PPM1D: variants seen among roughly 807,000 people sequenced by gnomAD.
PPM1D encodes the protein protein phosphatase 1D.
A neutral mutation model predicts 58.3 loss-of-function variants in PPM1D; 52 were observed. The observed-to-expected ratio is 0.89, with a 90% CI of 0.71 to 1.12. The LOEUF (loss-of-function observed/expected upper bound fraction) is 1.12, where lower values mean the gene tolerates loss of function less well. Among genes scored for constraint, PPM1D ranks in the 50% most tolerant of loss-of-function variants. PPM1D has a pLI of 0.00. For missense variants in PPM1D, 564 were observed against 777.2 expected (o/e 0.73, Z 3.26); for synonymous variants, 278 against 285.1 (o/e 0.98, Z 0.25).
intron 3 of PPM1D, among the ~76,000 whole-genome samples, chr17:60,635,670 C>G (rs1413870827): frequency 6.6e-6 from 1 of 152,150 alleles, no homozygotes; most frequent in Non-Finnish European, 1.5e-5. Context: ...CATGGACTCT[C>G]TAGCCACTGA....
intron 1 of PPM1D, chr17:60,604,642 C>T (rs760918729): frequency 6.6e-6 from 1 of 151,882 alleles, no homozygotes; most frequent in African/African-American, 2.4e-5. Flanking sequence ...CGTGTAGTCT[C>T]TGCTACTCCA....
intron 1 of PPM1D, among the ~76,000 whole-genome samples, chr17:60,605,495 A>C (rs1341636300): frequency 2.6e-5 from 4 of 152,194 alleles, no homozygotes; most frequent in South Asian, 2.1e-4. Flanking sequence ...CTGCTCAACA[A>C]CTAGTTGAGT....
intron 2 of PPM1D, among the ~76,000 whole-genome samples, chr17:60,630,917 A>G (rs1365251081): frequency 6.6e-6 from 1 of 152,230 alleles, no homozygotes; most frequent in African/African-American, 2.4e-5. Context: ...ATTCTTGTGA[A>G]TGGCAAGTTT....
intron 5 of PPM1D, among the ~76,000 whole-genome samples, chr17:60,661,094 C>T (rs2031517709): frequency 6.6e-6 from 1 of 151,762 alleles, no homozygotes; most frequent in Non-Finnish European, 1.5e-5. Context: ...TGGCGCATGC[C>T]TGTAGTCCTA....
At chr17:60,634,094 A>G (rs763603604) in intron 3 of PPM1D, 117 bp downstream of exon 3, 62 of 1,193,454 alleles carry the variant, frequency 5.2e-5, no homozygotes, top group Non-Finnish European at 7.1e-5. Context: ...TAGAGATATC[A>G]TGATATTCTA....
At chr17:60,645,528 A>ATGTGTGTGTG in intron 3 of PPM1D, among the ~76,000 whole-genome samples, 1 of 135,966 alleles carries the variant, frequency 7.4e-6, no homozygotes, top group African/African-American at 2.9e-5. Context: ...ATATGTATAT[A>ATGTGTGTGTG]TATATGTGTA....
intron 5 of PPM1D, among the ~76,000 whole-genome samples, chr17:60,661,062 A>G (rs1182407881): frequency 6.6e-6 from 1 of 150,914 alleles, no homozygotes; most frequent in Non-Finnish European, 1.5e-5. Flanking sequence ...AAAAATACAA[A>G]AAAAAAATTA....
intron 1 of PPM1D, among the ~76,000 whole-genome samples, chr17:60,615,587 T>A (rs1382976501): frequency 6.6e-6 from 1 of 152,084 alleles, no homozygotes; most frequent in Non-Finnish European, 1.5e-5. Context: ...TTAGTGCAGT[T>A]TCAATCAGAA....
chr17:60,637,417 T>C (rs935606268), intron 3 of PPM1D, among the ~76,000 whole-genome samples: 1 of 152,150 alleles, frequency 6.6e-6, no homozygotes, highest in Non-Finnish European at 1.5e-5. Flanking sequence ...CTACTCAGTA[T>C]TTTTAACTGA....
At position 60,657,043 on chromosome 17, in the gene PPM1D, G is replaced by A. The variant is rs1331760142; in HGVS notation, c.1260+202G>A. 82 of 1,475,890 alleles carry A rather than the reference G, an allele frequency of 5.6e-5. No homozygotes were observed. In the East Asian group the frequency reaches 2.0e-3, roughly 35 times the overall value. The allele number at this position is 1,475,890 out of a possible 1,614,324, so 91.4% of individuals were successfully genotyped here. On this transcript the variant is annotated intron_variant, in intron 5 of 5. Transcript: ENST00000305921. ...CCATGTGTACAGCACTAATAAAAAG[G>A]TGATTGTGGGCCCTTAAGAATATTA...
At chr17:60,627,697 G>A (rs2030837939) in intron 2 of PPM1D, among the ~76,000 whole-genome samples, 1 of 152,156 alleles carries the variant, frequency 6.6e-6, no homozygotes, top group Non-Finnish European at 1.5e-5. Flanking sequence ...TGGGATTACA[G>A]GTGTGAGCCA....
intron 1 of PPM1D, among the ~76,000 whole-genome samples, chr17:60,601,856 C>G (rs999255816): frequency 1.3e-5 from 2 of 152,122 alleles, no homozygotes; most frequent in Non-Finnish European, 2.9e-5. Flanking sequence ...AATTGCTTAT[C>G]TATTGCAGTG....
chr17:60,617,888 C>T (rs961358358), intron 1 of PPM1D, among the ~76,000 whole-genome samples: 43 of 152,280 alleles, frequency 2.8e-4, no homozygotes, highest in African/African-American at 1.0e-3. Flanking sequence ...CTGCAGATAT[C>T]TGTATGTCCT....
At chr17:60,628,397 C>T (rs1009192444) in intron 2 of PPM1D, among the ~76,000 whole-genome samples, 3 of 152,162 alleles carry the variant, frequency 2.0e-5, no homozygotes, top group Non-Finnish European at 2.9e-5. Context: ...GGGTTCACTC[C>T]GGGTGTTATA....
chr17:60,652,413 T>A (rs2031361140), intron 4 of PPM1D, among the ~76,000 whole-genome samples: 1 of 152,174 alleles, frequency 6.6e-6, no homozygotes, highest in South Asian at 2.1e-4. Flanking sequence ...TGACGTAGGA[T>A]GATTCCATAT....
Position 60,600,392 on chromosome 17 carries a change from G to A in PPM1D, c.-23G>A. On this transcript the variant is annotated 5_prime_UTR_variant, in exon 1 of 6. Transcript: ENST00000305921. ...CGGATTCGGCGGGCTGCGTGGGACC[G>A]GCGGGATCCCGGCCAGCCGGCCATG... is the stretch of plus-strand genomic sequence containing the variant. 1.3e-6 allele frequency: 2 copies of A among 1,540,652 alleles called. No individual in the cohort carries two copies. The highest frequency in any genetic ancestry group is 1.7e-6 in the Non-Finnish European group (2 of 1,144,126).
intron 1 of PPM1D, among the ~76,000 whole-genome samples, chr17:60,621,504 C>T (rs1025497289): frequency 1.3e-5 from 2 of 152,064 alleles, no homozygotes; most frequent in African/African-American, 4.8e-5. Context: ...AAGTGATTCT[C>T]CCACCTCAGC....
intron 4 of PPM1D, among the ~76,000 whole-genome samples, chr17:60,648,674 C>A (rs1180567838): frequency 1.3e-5 from 2 of 152,096 alleles, no homozygotes; most frequent in Non-Finnish European, 2.9e-5. Flanking sequence ...GCCACTGCGC[C>A]CGGCCAAAAT....
In PPM1D at chr17:60,600,500, T is replaced by C. The variant is rs1219384750; in HGVS notation, c.86T>C (p.Val29Ala). ...ATGGAGGACGTTACTCAAATCGTTG[T>C]GGAGCCCGAACCGACGGCTGAAGAA... The part of the protein sequence containing the change: ...KYMEDVTQIV[V>A]EPEPTAEEKP... Residue 29 changes from valine (V) to alanine (A), a missense_variant, in exon 1 of 6, where the codon GTG (valine) becomes GCG (alanine). By Grantham distance (64) the Val-to-Ala change is moderately conservative. Transcript: ENST00000305921. 10 of 1,571,472 alleles carry C rather than the reference T, an allele frequency of 6.4e-6. No homozygotes were observed. Among genetic ancestry groups the C allele is most frequent in the Non-Finnish European group, 8.6e-6 (10 of 1,158,762 alleles).
Sources: allele counts gnomAD v4.1 joint callset (sites outside exome capture counted in the v4.1 genomes callset), GRCh38; gene constraint gnomAD v4.1.1; transcripts MANE v1.5; gene names NCBI Gene and HGNC (gene_info 2026-07-23, HGNC 2026-07-21).